The following KCNT2 variants were observed in gnomAD, a reference collection of about 807,000 sequenced individuals.
KCNT2 encodes the protein potassium channel subfamily T member 2.
Under a neutral mutation model 153.8 loss-of-function variants are expected in KCNT2, and 67 were observed. The observed-to-expected ratio is 0.44, with a 90% confidence interval of 0.36 to 0.53. The LOEUF is 0.53. Among genes scored for constraint, KCNT2 ranks in the 20% least tolerant of loss-of-function variants. The pLI, the probability that KCNT2 is intolerant of heterozygous loss-of-function variation, is 0.00. For synonymous variants in KCNT2, 500 were observed against 458.8 expected (o/e 1.09, Z -1.15); for missense variants, 975 against 1,354.8 (o/e 0.72, Z 4.40).
intron 1 of KCNT2, among the ~76,000 whole-genome samples, chr1:196,500,120 G>T (rs1374365201): frequency 6.6e-6 from 1 of 150,988 alleles, no homozygotes; most frequent in Non-Finnish European, 1.5e-5. Context: ...CTCCAGCCTG[G>T]GTGATAGAGT....
chr1:196,522,017 A>G (rs1653498250), intron 1 of KCNT2, among the ~76,000 whole-genome samples: 1 of 150,238 alleles, frequency 6.7e-6, no homozygotes, highest in South Asian at 2.1e-4. Context: ...TAGATTCATA[A>G]GTAATTAATT....
At chr1:196,591,014 C>T (rs1163167893) in intron 1 of KCNT2, among the ~76,000 whole-genome samples, 1 of 152,110 alleles carries the variant, frequency 6.6e-6, no homozygotes, top group Non-Finnish European at 1.5e-5. Flanking sequence ...GTACTCCCAG[C>T]TACTCGAGAG....
chr1:196,294,434 C>A (rs546476548), intron 22 of KCNT2, among the ~76,000 whole-genome samples: 1 of 152,012 alleles, frequency 6.6e-6, no homozygotes, highest in Non-Finnish European at 1.5e-5. Context: ...CGCCACCATA[C>A]CCAGTTAATT....
chr1:196,374,392 A>T (rs1378167009), intron 13 of KCNT2, among the ~76,000 whole-genome samples: 1 of 151,834 alleles, frequency 6.6e-6, no homozygotes, highest in Admixed American at 6.6e-5. Flanking sequence ...TTAGTACATG[A>T]GATAGCATAC....
At chr1:196,498,071 G>A (rs1198358072) in intron 1 of KCNT2, among the ~76,000 whole-genome samples, 1 of 151,856 alleles carries the variant, frequency 6.6e-6, no homozygotes, top group Non-Finnish European at 1.5e-5. Context: ...ATTTTAATTT[G>A]ATACTTTTTT....
At chr1:196,561,051 A>G in intron 1 of KCNT2, among the ~76,000 whole-genome samples, 1 of 151,868 alleles carries the variant, frequency 6.6e-6, no homozygotes, top group South Asian at 2.1e-4. Flanking sequence ...ATTATAAAAT[A>G]ATATTTTAAG....
At chr1:196,539,834 G>T (rs935703013) in intron 1 of KCNT2, among the ~76,000 whole-genome samples, 1 of 151,380 alleles carries the variant, frequency 6.6e-6, no homozygotes, top group African/African-American at 2.4e-5. Context: ...TTAAGTAAAA[G>T]TGTATTATAT....
intron 24 of KCNT2, among the ~76,000 whole-genome samples, chr1:196,281,630 A>G (rs902360411): frequency 6.6e-6 from 1 of 152,176 alleles, no homozygotes; most frequent in Non-Finnish European, 1.5e-5. Context: ...CATTTCATTC[A>G]GCATACTTGG....
At chr1:196,484,312 T>A (rs1445354212) in intron 3 of KCNT2, among the ~76,000 whole-genome samples, 1 of 152,054 alleles carries the variant, frequency 6.6e-6, no homozygotes, top group Non-Finnish European at 1.5e-5. Context: ...ATTGGCTGTG[T>A]AAATGTCTTT....
chr1:196,385,420 A>T (rs116087536), intron 13 of KCNT2, among the ~76,000 whole-genome samples: 8,777 of 152,162 alleles, frequency 0.058, 394 homozygotes, highest in Non-Finnish European at 0.085. Context: ...ACTCTACGGA[A>T]CCACCACTGT....
At chr1:196,312,218 G>A (rs1341821890) in intron 21 of KCNT2, among the ~76,000 whole-genome samples, 1 of 151,540 alleles carries the variant, frequency 6.6e-6, no homozygotes, top group Non-Finnish European at 1.5e-5. Context: ...TCTTTGATAT[G>A]CAGAAATACT....
intron 13 of KCNT2, among the ~76,000 whole-genome samples, chr1:196,387,735 G>A (rs910592873): frequency 6.6e-6 from 1 of 151,690 alleles, no homozygotes; most frequent in Admixed American, 6.6e-5. Context: ...ATATCCGTTC[G>A]ATTCTTCTAC....
chr1:196,549,004 G>A (rs1275919526), intron 1 of KCNT2, among the ~76,000 whole-genome samples: 1 of 151,286 alleles, frequency 6.6e-6, no homozygotes, highest in African/African-American at 2.4e-5. Context: ...GGGGACTGTT[G>A]TGGGGTGGGG....
chr1:196,274,317 T>C (rs915078294), intron 25 of KCNT2, among the ~76,000 whole-genome samples: 7 of 151,724 alleles, frequency 4.6e-5, no homozygotes, highest in African/African-American at 1.7e-4. Context: ...TAACTTGTAA[T>C]ATAACTCCTC....
At chr1:196,515,953 C>T (rs1246220416) in intron 1 of KCNT2, among the ~76,000 whole-genome samples, 1 of 152,172 alleles carries the variant, frequency 6.6e-6, no homozygotes, top group Non-Finnish European at 1.5e-5. Flanking sequence ...AACTCCTACA[C>T]CAGGGCCTTT....
chr1:196,557,795 G>T (rs115568374), intron 1 of KCNT2, among the ~76,000 whole-genome samples: 1,701 of 151,366 alleles, frequency 0.011, 25 homozygotes, highest in South Asian at 0.063. Flanking sequence ...TAATTTCCAT[G>T]ATCAAGTAGG....
chr1:196,414,176 A>T (rs1672566197), intron 12 of KCNT2, among the ~76,000 whole-genome samples: 2 of 151,734 alleles, frequency 1.3e-5, no homozygotes, highest in African/African-American at 2.4e-5. Flanking sequence ...CAATTCAATT[A>T]TACAGATTTT....
chr1:196,272,370 T>A (rs139686268), intron 25 of KCNT2, among the ~76,000 whole-genome samples: 59 of 152,020 alleles, frequency 3.9e-4, no homozygotes, highest in African/African-American at 1.3e-3. Flanking sequence ...GTATATTAAA[T>A]CCACCAAAAT....
intron 4 of KCNT2, among the ~76,000 whole-genome samples, chr1:196,480,408 C>T (rs899705245): frequency 2.6e-5 from 4 of 152,060 alleles, no homozygotes; most frequent in African/African-American, 9.7e-5. Flanking sequence ...GAAGTATGTG[C>T]AGTAGCCAGG....
Sources: gnomAD v4.1 joint callset for allele counts (sites outside exome capture counted in the v4.1 genomes callset) on GRCh38, gnomAD v4.1.1 for gene constraint, MANE v1.5 for transcripts, NCBI Gene and HGNC (gene_info 2026-07-23, HGNC 2026-07-21) for gene names.